CNBD1: variants seen among roughly 807,000 people sequenced by gnomAD.
The protein encoded by CNBD1 is cyclic nucleotide binding domain containing 1, also known as cyclic nucleotide-binding domain-containing protein 1.
CNBD1 carries 71 observed loss-of-function variants against 54.4 expected under a neutral mutation model. The observed-to-expected ratio is 1.30, with a 90% confidence interval of 1.08 to 1.59. The LOEUF is 1.59. Ranked by LOEUF, CNBD1 falls within the 40% of genes most tolerant of loss-of-function variation. CNBD1 has a pLI of 0.00. For missense variants in CNBD1, 659 were observed against 518.0 expected, an observed-to-expected ratio of 1.27 and a Z score of -2.64; for synonymous variants, 182 against 170.7, an observed-to-expected ratio of 1.07 and a Z score of -0.51.
chr8:86,907,130 C>A (rs531735581), intron 3 of CNBD1, among the ~76,000 whole-genome samples: 1 of 152,288 alleles, frequency 6.6e-6, no homozygotes, highest in East Asian at 1.9e-4. Context: ...CATCGTCACA[C>A]ATCATGTAAT....
chr8:87,384,061 G>A (rs1811139719), downstream of CNBD1, among the ~76,000 whole-genome samples: 1 of 151,994 alleles, frequency 6.6e-6, no homozygotes. Context: ...AGTTATGTTA[G>A]TCTGCCTTCA....
chr8:87,223,331 G>A (rs1814388439), intron 5 of CNBD1, among the ~76,000 whole-genome samples: 1 of 151,418 alleles, frequency 6.6e-6, no homozygotes, highest in South Asian at 2.1e-4. Context: ...ATGCTGGTGT[G>A]CTGCACCCAC....
intron 8 of CNBD1, among the ~76,000 whole-genome samples, chr8:87,320,768 A>G (rs972791712): frequency 1.3e-5 from 2 of 152,136 alleles, no homozygotes; most frequent in Admixed American, 1.3e-4. Flanking sequence ...TGCACATTAC[A>G]GCATTATCAA....
chr8:87,316,322 G>A (rs924947678), intron 8 of CNBD1, among the ~76,000 whole-genome samples: 4 of 151,914 alleles, frequency 2.6e-5, no homozygotes, highest in Admixed American at 6.6e-5. Context: ...TCCTGTCTAA[G>A]TCAATTTAAC....
intron 10 of CNBD1, among the ~76,000 whole-genome samples, chr8:87,357,542 T>C (rs1810444389): frequency 6.6e-6 from 1 of 152,174 alleles, no homozygotes. Context: ...TTCCCCTATC[T>C]TTTGTCTTAT....
At chr8:87,382,965 G>C (rs1811112333), downstream of CNBD1, 2 of 190,206 alleles carry the variant, frequency 1.1e-5, no homozygotes, top group East Asian at 1.2e-4. Flanking sequence ...ATGCACAAAA[G>C]GATGGAAACA....
chr8:87,237,488 A>G (rs1011426742), intron 6 of CNBD1, among the ~76,000 whole-genome samples: 2 of 151,550 alleles, frequency 1.3e-5, no homozygotes, highest in East Asian at 3.8e-4. Context: ...TCAAGAATGT[A>G]TGTTTATTAT....
At chr8:87,410,394 T>C (rs564440083) in intron 2 of CNBD1, among the ~76,000 whole-genome samples, 2 of 152,284 alleles carry the variant, frequency 1.3e-5, no homozygotes, top group Non-Finnish European at 2.9e-5. Context: ...CTATTCTGGA[T>C]GCCATTAAGA....
At chr8:87,408,040 T>C (rs751059884) in intron 2 of CNBD1, among the ~76,000 whole-genome samples, 14 of 152,090 alleles carry the variant, frequency 9.2e-5, no homozygotes, top group Non-Finnish European at 1.3e-4. Context: ...TAGAAATTTC[T>C]GTTCACTCCA....
intron 6 of CNBD1, among the ~76,000 whole-genome samples, chr8:87,279,156 T>C (rs981386566): frequency 6.6e-6 from 1 of 151,452 alleles, no homozygotes; most frequent in Admixed American, 6.6e-5. Flanking sequence ...AATTTCTGCA[T>C]GCAAAAACAG....
chr8:87,190,706 T>C (rs1196028547), intron 4 of CNBD1, among the ~76,000 whole-genome samples: 1 of 152,016 alleles, frequency 6.6e-6, no homozygotes, highest in South Asian at 2.1e-4. Context: ...TCTAGAAATA[T>C]ATTCACATGC....
chr8:87,171,864 C>T (rs1049124291), intron 4 of CNBD1, among the ~76,000 whole-genome samples: 27 of 152,020 alleles, frequency 1.8e-4, no homozygotes, highest in African/African-American at 6.0e-4. Flanking sequence ...ATCTTGAACT[C>T]CTGACCTCGT....
chr8:87,259,245 G>T (rs1190418375), intron 6 of CNBD1, among the ~76,000 whole-genome samples: 3 of 152,126 alleles, frequency 2.0e-5, no homozygotes, highest in Non-Finnish European at 2.9e-5. Context: ...TTTAGGACAA[G>T]AATTTACCAT....
intron 3 of CNBD1, among the ~76,000 whole-genome samples, chr8:86,914,670 T>C (rs762714747): frequency 1.3e-5 from 2 of 152,190 alleles, no homozygotes; most frequent in Non-Finnish European, 2.9e-5. Flanking sequence ...AGAAGTTTCT[T>C]TTTGTAAAGA....
chr8:87,405,493 T>C (rs975685295), intron 2 of CNBD1, among the ~76,000 whole-genome samples: 1 of 152,070 alleles, frequency 6.6e-6, no homozygotes, highest in African/African-American at 2.4e-5. Context: ...TGTTACAAGA[T>C]CACACATATT....
chr8:86,993,318 G>T (rs1240673665), intron 4 of CNBD1, among the ~76,000 whole-genome samples: 1 of 151,302 alleles, frequency 6.6e-6, no homozygotes, highest in African/African-American at 2.4e-5. Context: ...GAGCAATGTT[G>T]TTCTTCCTTA....
intron 5 of CNBD1, among the ~76,000 whole-genome samples, chr8:87,207,255 T>C (rs1348161420): frequency 6.6e-6 from 1 of 152,136 alleles, no homozygotes; most frequent in African/African-American, 2.4e-5. Flanking sequence ...GTAAAAAATA[T>C]GGGAACAATC....
At chr8:87,015,767 G>C (rs1310516988) in intron 4 of CNBD1, among the ~76,000 whole-genome samples, 1 of 151,820 alleles carries the variant, frequency 6.6e-6, no homozygotes, top group Non-Finnish European at 1.5e-5. Flanking sequence ...ATCACTTCAG[G>C]TCAGGAGTTT....
rs145872218 is a variant in CNBD1 at position 87,379,477 on chromosome 8, G to A, written c.1304-3143G>A. Among the ~76,000 whole-genome samples the A allele has an allele frequency of 5.2e-3, 783 of 151,552 alleles. 7 individuals carry two copies. Among genetic ancestry groups the A allele is most frequent in the African/African-American group, 0.018 (747 of 41,228 alleles). The stretch of plus-strand genomic sequence containing the variant: ...CTATTCCAAAATTGACCACATACTG[G>A]GAAGTAAAGCTCTCCCCAGCAAATG... On this transcript the variant is annotated intron_variant, in intron 10 of 10. Transcript: ENST00000518476.
Sources: gnomAD v4.1 joint callset for allele counts (sites outside exome capture counted in the v4.1 genomes callset) on GRCh38, gnomAD v4.1.1 for gene constraint, MANE v1.5 for transcripts, NCBI Gene and HGNC (gene_info 2026-07-23, HGNC 2026-07-21) for gene names.